Variants in DOP1B observed in about 807,000 individuals in gnomAD.
DOP1B encodes the protein protein DOP1B.
Under a neutral mutation model 233.5 loss-of-function variants are expected in DOP1B, and 174 were observed. The observed-to-expected ratio is 0.75, with a 90% CI of 0.66 to 0.85. The LOEUF is 0.85. Ranked by LOEUF, DOP1B falls within the 40% of genes least tolerant of loss-of-function variation. DOP1B has a pLI of 0.00. For synonymous variants in DOP1B, 1,190 were observed against 1,185.6 expected (o/e 1.00, Z -0.08); for missense variants, 2,652 against 2,846.6 (o/e 0.93, Z 1.56).
intron 7 of DOP1B, among the ~76,000 whole-genome samples, chr21:36,213,685 T>C (rs1023088577): frequency 2.0e-5 from 3 of 151,748 alleles, no homozygotes; most frequent in Non-Finnish European, 4.4e-5. Context: ...ATTACAGGTG[T>C]GCGCCATCAC....
intron 1 of DOP1B, among the ~76,000 whole-genome samples, chr21:36,163,221 G>A (rs1311817677): frequency 3.3e-5 from 5 of 151,934 alleles, no homozygotes; most frequent in Admixed American, 6.6e-5. Context: ...GCACGTGCCT[G>A]TAGCCCCAGC....
intron 2 of DOP1B, among the ~76,000 whole-genome samples, chr21:36,185,096 T>G (rs903052334): frequency 1.3e-5 from 2 of 152,204 alleles, no homozygotes; most frequent in African/African-American, 4.8e-5. Context: ...CCCTATAAGC[T>G]TTGGTGTTTG....
intron 14 of DOP1B, among the ~76,000 whole-genome samples, chr21:36,232,380 G>A (rs771564504): frequency 1.2e-4 from 19 of 152,174 alleles, no homozygotes; most frequent in South Asian, 1.0e-3. Context: ...CCAAGATCAA[G>A]GTGTCAGCAG....
At chr21:36,194,430 T>G (rs1169876659) in intron 2 of DOP1B, among the ~76,000 whole-genome samples, 1 of 152,098 alleles carries the variant, frequency 6.6e-6, no homozygotes, top group Non-Finnish European at 1.5e-5. Flanking sequence ...ATCTCTTCAT[T>G]TTTCTAAGTC....
chr21:36,240,584 A>C (rs1191576179), intron 18 of DOP1B, among the ~76,000 whole-genome samples: 1 of 152,220 alleles, frequency 6.6e-6, no homozygotes, highest in Non-Finnish European at 1.5e-5. Flanking sequence ...TAGACTATAA[A>C]ATCTTGTTAA....
chr21:36,157,808 T>C (rs2065833367), intron 1 of DOP1B, among the ~76,000 whole-genome samples: 1 of 152,222 alleles, frequency 6.6e-6, no homozygotes, highest in African/African-American at 2.4e-5. Context: ...ATCTGTTATC[T>C]GTTGCTAAAT....
chr21:36,252,621 C>T (rs570688698), intron 22 of DOP1B, among the ~76,000 whole-genome samples: 1 of 151,550 alleles, frequency 6.6e-6, no homozygotes, highest in Admixed American at 6.6e-5. Context: ...TTAAGCAATT[C>T]TCCTGCCTCA....
chr21:36,237,190 C>CT, intron 15 of DOP1B, 72 bp from the exon 16 acceptor site: 1 of 1,594,688 alleles, frequency 6.3e-7, no homozygotes, highest in Admixed American at 1.7e-5. Context: ...CTGGGACTGA[C>CT]TGAGTGAGGA....
intron 2 of DOP1B, among the ~76,000 whole-genome samples, chr21:36,184,225 T>C (rs1456720041): frequency 6.6e-6 from 1 of 152,074 alleles, no homozygotes; most frequent in Admixed American, 6.6e-5. Context: ...ATTTTTGTAT[T>C]TTTATTAGAG....
intron 2 of DOP1B, among the ~76,000 whole-genome samples, chr21:36,179,811 T>C (rs1261267033): frequency 6.6e-6 from 1 of 152,198 alleles, no homozygotes; most frequent in Non-Finnish European, 1.5e-5. Context: ...GTAGGACTAG[T>C]GTATTTCCAG....
rs765711969 is a variant in DOP1B, at chr21:36,230,445, TA to T, written c.1666-4del. Reference sequence around the variant, plus strand: ...GCACAATTCACATCTTTTTATTTTTTACAGAGTCCAGTAAAAGGTGAAAACG... The same window carrying T: ...GCACAATTCACATCTTTTTATTTTTTCAGAGTCCAGTAAAAGGTGAAAACG... On this transcript the variant is annotated splice_region_variant and splice_polypyrimidine_tract_variant and intron_variant, in intron 13 of 36. Transcript: ENST00000691173. 4 of 1,595,840 alleles carry T rather than the reference TA, an allele frequency of 2.5e-6. No homozygotes were observed. The South Asian group carries it at 3.3e-5, about 13-fold the overall frequency.
intron 23 of DOP1B, among the ~76,000 whole-genome samples, chr21:36,260,202 A>G (rs571456804): frequency 6.8e-6 from 1 of 146,588 alleles, no homozygotes; most frequent in East Asian, 2.1e-4. Flanking sequence ...AAGAAAAAGG[A>G]AAGGGAAGGG....
chr21:36,205,294 T>C (rs1442339256), intron 4 of DOP1B, among the ~76,000 whole-genome samples: 1 of 152,040 alleles, frequency 6.6e-6, no homozygotes, highest in African/African-American at 2.4e-5. Context: ...GCAGGAGGCA[T>C]GAGAGAGCAT....
rs768750167 is a variant in DOP1B, at chr21:36,245,060, G to A, written c.3080G>A (p.Arg1027His). 8.8e-6 allele frequency: 14 copies of A among 1,594,094 alleles called. No homozygotes were observed. The highest frequency in any genetic ancestry group is 1.7e-4 in the Middle Eastern group (1 of 6,020). The part of the protein sequence containing the change: ...KQENSADDLH[R>H]WFNRKKTSFR... ...TTGTAATTTTCAGATGACTTGCACCGTTGGTTTAACAGGAAGAAAACCTCT... is the reference window on the plus strand; with the variant it reads ...TTGTAATTTTCAGATGACTTGCACCATTGGTTTAACAGGAAGAAAACCTCT... The change falls in exon 19 of 37, where the codon CGT (arginine) becomes CAT (histidine). Residue 1027 changes from arginine (R) to histidine (H), a missense_variant. Coordinates refer to ENST00000691173, the MANE Select transcript of DOP1B (RefSeq NM_001320714.2). This position sits in a 1 kb window ranked among gnomAD's most constrained non-coding sequence, Gnocchi z 5.5.
rs1431281574 is a variant in DOP1B at position 36,194,113 on chromosome 21, A to T, written c.139-4957A>T. On this transcript the variant is annotated intron_variant, in intron 2 of 36. Transcript: ENST00000691173. ...AGCTTGCATATTTAGACCAGGCATCAGTAATAGCCTCAGTTTTGTTTATTG... is the reference window on the plus strand; with the variant it reads ...AGCTTGCATATTTAGACCAGGCATCTGTAATAGCCTCAGTTTTGTTTATTG... 4.6e-5 allele frequency among the ~76,000 whole-genome samples: 7 copies of T among 152,320 alleles called. No homozygotes were observed. The East Asian group carries it at 1.2e-3, about 25-fold the overall frequency.
intron 21 of DOP1B, among the ~76,000 whole-genome samples, chr21:36,248,879 T>G (rs140291127): frequency 6.6e-6 from 1 of 151,452 alleles, no homozygotes; most frequent in Non-Finnish European, 1.5e-5. Flanking sequence ...CCAAGGCGGA[T>G]GGATCTCCTG....
At chr21:36,222,643 A>ATG (rs2066639144) in intron 10 of DOP1B, among the ~76,000 whole-genome samples, 1 of 152,122 alleles carries the variant, frequency 6.6e-6, no homozygotes, top group African/African-American at 2.4e-5. Context: ...CTGAATATCC[A>ATG]TGTACCATGT....
chr21:36,197,989 C>T (rs1049589909), intron 2 of DOP1B, among the ~76,000 whole-genome samples: 14 of 148,454 alleles, frequency 9.4e-5, no homozygotes, highest in East Asian at 2.0e-4. Flanking sequence ...CATTGCACTC[C>T]GGCCTGGGCA....
At chr21:36,278,948 A>G (rs2067384519) in intron 30 of DOP1B, among the ~76,000 whole-genome samples, 1 of 152,006 alleles carries the variant, frequency 6.6e-6, no homozygotes, top group Non-Finnish European at 1.5e-5. Context: ...ATCACAAAAT[A>G]ATTGGCCAGT....
Sources: allele counts gnomAD v4.1 joint callset (sites outside exome capture counted in the v4.1 genomes callset), GRCh38; gene constraint gnomAD v4.1.1; non-coding constraint Gnocchi (gnomAD v3.1); transcripts MANE v1.5; gene names NCBI Gene and HGNC (gene_info 2026-07-23, HGNC 2026-07-21).